NKAIN3: variants seen among roughly 807,000 people sequenced by gnomAD.
NKAIN3 encodes sodium/potassium-transporting ATPase subunit beta-1-interacting protein 3.
In NKAIN3, 25 loss-of-function variants were observed where a neutral mutation model predicts 30.2. The observed-to-expected ratio is 0.83, with a 90% CI of 0.60 to 1.16. NKAIN3 has a LOEUF of 1.16. Among genes scored for constraint, NKAIN3 ranks in the 50% most tolerant of loss-of-function variants. NKAIN3 has a pLI of 0.00. For missense variants in NKAIN3, 225 were observed against 254.1 expected (o/e 0.89, Z 0.78); for synonymous variants, 91 against 89.6 (o/e 1.02, Z -0.09).
chr8:62,803,670 C>T (rs1289682220), intron 4 of NKAIN3, among the ~76,000 whole-genome samples: 2 of 151,976 alleles, frequency 1.3e-5, no homozygotes, highest in African/African-American at 2.4e-5. Context: ...CAGGAAAGAT[C>T]CAAAATTGAC....
rs1437602117 is a variant in NKAIN3, at chr8:62,402,552, T to C, written c.54+153425T>C. Among the ~76,000 whole-genome samples, 8 of 152,186 alleles carry C rather than the reference T, an allele frequency of 5.3e-5. No homozygotes were observed. In the East Asian group the frequency reaches 1.6e-3, roughly 30 times the overall value. Reference sequence around the variant, plus strand: ...TGCCATTCTCATGATAGTGAGTAAGTTCTCACAAGATCTGAGGGTTTTATA... The same window carrying C: ...TGCCATTCTCATGATAGTGAGTAAGCTCTCACAAGATCTGAGGGTTTTATA... On this transcript the variant is annotated intron_variant, in intron 1 of 6. Transcript: ENST00000623646.
chr8:62,341,838 G>A lies in NKAIN3; in HGVS notation c.54+92711G>A, dbSNP rs542981279. ...TTTTCACTTTGTGTCCAGGACCTGC[G>A]GAGTTAGATGACAAAGGCTAAGGAA... On this transcript the variant is annotated intron_variant, in intron 1 of 6. Transcript: ENST00000623646. Among the ~76,000 whole-genome samples the A allele has an allele frequency of 2.6e-4, 39 of 152,022 alleles. 1 individual carries two copies. The highest frequency in any genetic ancestry group is 1.0e-3 in the South Asian group (5 of 4,822).
At chr8:62,473,196 A>G (rs1426682762) in intron 1 of NKAIN3, 1 of 152,196 alleles carries the variant, frequency 6.6e-6, no homozygotes, top group Non-Finnish European at 1.5e-5. Context: ...AGCTCTTTGC[A>G]GGTCTTAGCT....
At chr8:62,349,253 G>A (rs1364181693) in intron 1 of NKAIN3, among the ~76,000 whole-genome samples, 1 of 152,068 alleles carries the variant, frequency 6.6e-6, no homozygotes, top group Non-Finnish European at 1.5e-5. Context: ...TGCAGCAAGG[G>A]GATTCTTTAA....
intron 4 of NKAIN3, among the ~76,000 whole-genome samples, chr8:62,772,865 T>C (rs1440429181): frequency 6.6e-6 from 1 of 152,136 alleles, no homozygotes; most frequent in African/African-American, 2.4e-5. Flanking sequence ...CTCACCATAT[T>C]GGCCAGGTTG....
chr8:62,564,809 C>T (rs1472960845), intron 1 of NKAIN3, among the ~76,000 whole-genome samples: 1 of 152,144 alleles, frequency 6.6e-6, no homozygotes, highest in Non-Finnish European at 1.5e-5. Flanking sequence ...AACCCACACA[C>T]ACACGGAGAA....
chr8:62,730,141 A>T (rs1815422130), intron 3 of NKAIN3, among the ~76,000 whole-genome samples: 1 of 152,020 alleles, frequency 6.6e-6, no homozygotes, highest in Admixed American at 6.5e-5. Context: ...TTTTATTTTT[A>T]ATTATTTTCT....
At position 62,249,422 on chromosome 8, in the gene NKAIN3, G is replaced by T. The variant is rs1386147140; in HGVS notation, c.54+295G>T. ...CGCGGTCCAGGGGCCAGGAGCCGGC[G>T]GAGTGAGGGATTTTCCCGCCCCTTG... On this transcript the variant is annotated intron_variant, in intron 1 of 6. Coordinates refer to ENST00000623646, the MANE Select transcript of NKAIN3 (RefSeq NM_001304533.3). Among the ~76,000 whole-genome samples the T allele has an allele frequency of 2.0e-5, 3 of 152,238 alleles. 1 individual carries two copies. In the East Asian group the frequency reaches 5.8e-4, roughly 29 times the overall value.
intron 1 of NKAIN3, among the ~76,000 whole-genome samples, chr8:62,362,519 A>G (rs1240324545): frequency 6.6e-6 from 1 of 152,220 alleles, no homozygotes; most frequent in Non-Finnish European, 1.5e-5. Context: ...CCCATGAGAC[A>G]TTGGAAACTG....
intron 4 of NKAIN3, among the ~76,000 whole-genome samples, chr8:62,781,203 A>C (rs1817343520): frequency 6.6e-6 from 1 of 151,994 alleles, no homozygotes; most frequent in Admixed American, 6.6e-5. Context: ...TAAATAAAAT[A>C]TATATGAATA....
intron 1 of NKAIN3, among the ~76,000 whole-genome samples, chr8:62,523,246 T>A (rs1401445692): frequency 6.6e-6 from 1 of 152,186 alleles, no homozygotes; most frequent in Non-Finnish European, 1.5e-5. Context: ...TACTGTATAC[T>A]CTAGATGTGC....
rs1010936894 is a variant in NKAIN3, at chr8:62,303,240, T to C, written c.54+54113T>C. On this transcript the variant is annotated intron_variant, in intron 1 of 6. Coordinates refer to ENST00000623646, the MANE Select transcript of NKAIN3 (RefSeq NM_001304533.3). ...TTGTTGAATGAGCCCTAGATAAACC[T>C]AATAGCCCTGGAATGATCCACAGTG... is the stretch of plus-strand genomic sequence containing the variant. Among the ~76,000 whole-genome samples the C allele has an allele frequency of 9.3e-5, 14 of 150,390 alleles. 1 individual carries two copies. Among genetic ancestry groups the C allele is most frequent in the African/African-American group, 3.5e-4 (14 of 39,848 alleles).
At chr8:62,267,540 C>G (rs1446282392) in intron 1 of NKAIN3, among the ~76,000 whole-genome samples, 1 of 152,136 alleles carries the variant, frequency 6.6e-6, no homozygotes, top group Non-Finnish European at 1.5e-5. Context: ...CATTGCTTTA[C>G]TTTTTAGTTA....
In NKAIN3 at chr8:62,976,506, C is replaced by T. The variant is rs1585638466; in HGVS notation, c.*11099C>T. On this transcript the variant is annotated 3_prime_UTR_variant, in exon 7 of 7. Transcript: ENST00000623646. Reference sequence around the variant, plus strand: ...GTTTTACCAGAGGCTAAGATTGCAACCCCTGCTTTTTTTTGCTTTCCATTT... The same window carrying T: ...GTTTTACCAGAGGCTAAGATTGCAATCCCTGCTTTTTTTTGCTTTCCATTT... Among the ~76,000 whole-genome samples the T allele has an allele frequency of 3.3e-5, 5 of 152,190 alleles. No individual in the cohort carries two copies. The South Asian group carries it at 1.0e-3, about 32-fold the overall frequency.
chr8:62,704,729 T>G (rs888670036), intron 3 of NKAIN3, among the ~76,000 whole-genome samples: 3 of 152,218 alleles, frequency 2.0e-5, no homozygotes, highest in Non-Finnish European at 4.4e-5. Context: ...AAACTTTTCT[T>G]AAAACTCTTA....
intron 4 of NKAIN3, among the ~76,000 whole-genome samples, chr8:62,795,364 C>T (rs576491802): frequency 1.8e-4 from 27 of 152,088 alleles, no homozygotes; most frequent in Non-Finnish European, 3.5e-4. Context: ...TTTTTCCCCA[C>T]CATGTTCATG....
chr8:62,907,313 T>C (rs931454437), intron 4 of NKAIN3, among the ~76,000 whole-genome samples: 9 of 152,224 alleles, frequency 5.9e-5, no homozygotes, highest in Non-Finnish European at 1.3e-4. Context: ...AAAGATATGG[T>C]TTGGAATTGG....
At position 62,727,266 on chromosome 8, in the gene NKAIN3, A is replaced by G. The variant is rs560510368; in HGVS notation, c.274-19666A>G. 5.9e-5 allele frequency among the ~76,000 whole-genome samples: 9 copies of G among 152,216 alleles called. No homozygotes were observed. The East Asian group carries it at 1.7e-3, about 29-fold the overall frequency. On this transcript the variant is annotated intron_variant, in intron 3 of 6. Coordinates refer to ENST00000623646, the MANE Select transcript of NKAIN3 (RefSeq NM_001304533.3). ...TCATACTTAATAATGCAAAACTACAATCTTTCCCACTAAGATCAGGAACAA... is the reference window on the plus strand; with the variant it reads ...TCATACTTAATAATGCAAAACTACAGTCTTTCCCACTAAGATCAGGAACAA...
chr8:62,704,062 ATGG>A (rs780477092), intron 3 of NKAIN3, among the ~76,000 whole-genome samples: 4 of 152,178 alleles, frequency 2.6e-5, no homozygotes, highest in Admixed American at 1.3e-4. Context: ...GATTTGAGAA[ATGG>A]TCTCAAAATA....
Sources: allele counts gnomAD v4.1 joint callset (sites outside exome capture counted in the v4.1 genomes callset), GRCh38; gene constraint gnomAD v4.1.1; transcripts MANE v1.5; gene names NCBI Gene and HGNC (gene_info 2026-07-23, HGNC 2026-07-21).